Variants in MAP3K4 observed in about 807,000 individuals in gnomAD.
The protein encoded by MAP3K4 is MAP three kinase 1.
In MAP3K4, 67 loss-of-function variants were observed where a neutral mutation model predicts 185.6. That is an observed-to-expected ratio of 0.36 (90% confidence interval 0.30 to 0.44). The LOEUF is 0.44. Ranked by LOEUF, MAP3K4 falls within the 20% of genes least tolerant of loss-of-function variation. The pLI, the probability that MAP3K4 is intolerant of heterozygous loss-of-function variation, is 1.00. For missense variants in MAP3K4, 1,551 were observed against 1,995.1 expected, an observed-to-expected ratio of 0.78 and a Z score of 4.24; for synonymous variants, 702 against 710.4, an observed-to-expected ratio of 0.99 and a Z score of 0.19.
chr6:161,084,413 C>G lies in MAP3K4; in HGVS notation c.2256-88C>G. The G allele has an allele frequency of 1.4e-6, 1 of 718,472 alleles. No homozygotes were observed. Among genetic ancestry groups the G allele is most frequent in the Non-Finnish European group, 2.5e-6 (1 of 399,930 alleles). 44.5% of individuals were successfully genotyped at this position (718,472 alleles called of 1,614,324 possible). A position where few individuals can be genotyped will look rare whatever the true frequency, so the allele number is the denominator to read the frequency against. On this transcript the variant is annotated intron_variant, in intron 6 of 26. Transcript: ENST00000392142. This position sits in a 1 kb window ranked among gnomAD's most constrained non-coding sequence, Gnocchi z 4.6. Reference sequence around the variant, plus strand: ...GATTTTTAAACCATTAGAGCAGTAGCTGAGCCTTTCAAGTTTCTCAGTCAA... The same window carrying G: ...GATTTTTAAACCATTAGAGCAGTAGGTGAGCCTTTCAAGTTTCTCAGTCAA...
intron 5 of MAP3K4, among the ~76,000 whole-genome samples, chr6:161,079,430 A>T (rs1298278690): frequency 6.6e-6 from 1 of 151,570 alleles, no homozygotes; most frequent in East Asian, 2.0e-4. Flanking sequence ...ATACGAAATT[A>T]GCCAGTTGTG....
At chr6:161,041,973 G>T (rs1311540060) in intron 2 of MAP3K4, among the ~76,000 whole-genome samples, 2 of 133,004 alleles carry the variant, frequency 1.5e-5, no homozygotes, top group African/African-American at 5.7e-5. Context: ...GCCCAGACTG[G>T]CCCGGAACCT....
In MAP3K4 at chr6:160,996,183, A is replaced by G. The variant is rs986577870; in HGVS notation, c.152+4100A>G. On this transcript the variant is annotated intron_variant, in intron 1 of 26. Transcript: ENST00000392142. This position sits in a 1 kb window ranked among gnomAD's most constrained non-coding sequence, Gnocchi z 4.5. ...TGGTGCTCCAGACTGTTGGTGTAGC[A>G]TCAGTGATGGTCATGCCTTTACACC... Among the ~76,000 whole-genome samples, 10 of 152,162 alleles carry G rather than the reference A, an allele frequency of 6.6e-5. No individual in the cohort carries two copies. Among genetic ancestry groups the G allele is most frequent in the Non-Finnish European group, 1.3e-4 (9 of 68,034 alleles).
At chr6:161,005,634 A>G (rs1330129697) in intron 1 of MAP3K4, among the ~76,000 whole-genome samples, 1 of 152,160 alleles carries the variant, frequency 6.6e-6, no homozygotes, top group Admixed American at 6.5e-5. Context: ...TTTAAATACA[A>G]ATTTACCTTT....
rs906635197 is a variant in MAP3K4, at chr6:161,114,806, T to C, written c.4627-317T>C. On this transcript the variant is annotated intron_variant, in intron 25 of 26. Transcript: ENST00000392142. This position sits in a 1 kb window ranked among gnomAD's most constrained non-coding sequence, Gnocchi z 4.3. ...TTGCATGATGATGGCTTCTAGATAC[T>C]GTTGGACTAAATAGTGCACCCCAAA... Among the ~76,000 whole-genome samples the C allele has an allele frequency of 1.3e-5, 2 of 152,214 alleles. No homozygotes were observed. The highest frequency in any genetic ancestry group is 4.8e-5 in the African/African-American group (2 of 41,444).
intron 2 of MAP3K4, among the ~76,000 whole-genome samples, chr6:161,035,828 C>G (rs893103534): frequency 1.3e-5 from 2 of 152,136 alleles, no homozygotes; most frequent in African/African-American, 2.4e-5. Flanking sequence ...AGTACACTTG[C>G]TTTTTCTTGT....
intron 1 of MAP3K4, among the ~76,000 whole-genome samples, chr6:161,012,195 TG>T (rs1480626980): frequency 1.3e-5 from 2 of 152,206 alleles, no homozygotes; most frequent in East Asian, 3.8e-4. Flanking sequence ...CCCTTGCCTC[TG>T]AGAATTTAGA....
Position 161,008,984 on chromosome 6 carries a change from G to A in MAP3K4, c.152+16901G>A, listed in dbSNP as rs1442208984. On this transcript the variant is annotated intron_variant, in intron 1 of 26. Coordinates refer to ENST00000392142, the MANE Select transcript of MAP3K4 (RefSeq NM_005922.4). The surrounding 1 kb of genome is among the most constrained non-coding windows in gnomAD (Gnocchi z 4.1). ...GCATATTCATTTTTTTAAACCATCTGAACCTTTTTTTTTTTTTTTGAGACG... is the reference window on the plus strand; with the variant it reads ...GCATATTCATTTTTTTAAACCATCTAAACCTTTTTTTTTTTTTTTGAGACG... 6.8e-6 allele frequency among the ~76,000 whole-genome samples: 1 copy of A among 148,038 alleles called. No individual in the cohort carries two copies. The highest frequency in any genetic ancestry group is 1.5e-5 in the Non-Finnish European group (1 of 67,398).
rs1784097018 is a variant in MAP3K4 at position 161,053,544 on chromosome 6, G to A, written c.1707+3565G>A. ...TCTGCCAAATAATTGTACATTTTAA[G>A]GGCATACATTTTAGGCAGTAAAACC... is the stretch of plus-strand genomic sequence containing the variant. On this transcript the variant is annotated intron_variant, in intron 3 of 26. Transcript: ENST00000392142. The surrounding 1 kb of genome is among the most constrained non-coding windows in gnomAD (Gnocchi z 4.2). Among the ~76,000 whole-genome samples, 1 of 152,110 alleles carries A rather than the reference G, an allele frequency of 6.6e-6. No individual in the cohort carries two copies. The highest frequency in any genetic ancestry group is 6.5e-5 in the Admixed American group (1 of 15,274).
At chr6:161,052,171 C>A (rs1245884507) in intron 3 of MAP3K4, among the ~76,000 whole-genome samples, 1 of 149,034 alleles carries the variant, frequency 6.7e-6, no homozygotes, top group South Asian at 2.2e-4. Context: ...CACCCTCCCT[C>A]CCCAAATTGT....
chr6:160,998,228 T>C (rs540244290), intron 1 of MAP3K4, among the ~76,000 whole-genome samples: 2 of 152,286 alleles, frequency 1.3e-5, no homozygotes, highest in East Asian at 3.9e-4. Flanking sequence ...TGATGTGAGC[T>C]AATCTCTATT....
At chr6:161,104,918 A>T (rs2114904343) in intron 19 of MAP3K4, among the ~76,000 whole-genome samples, 1 of 152,284 alleles carries the variant, frequency 6.6e-6, no homozygotes, top group South Asian at 2.1e-4. Context: ...GACCATTATA[A>T]ATCTTTTAGA....
In MAP3K4 at chr6:161,101,889, CAG is replaced by C. The variant is rs777749397; in HGVS notation, c.3675-2_3675-1del. The C allele has an allele frequency of 5.2e-5, 84 of 1,609,772 alleles. No individual in the cohort carries two copies. The highest frequency in any genetic ancestry group is 6.0e-5 in the Non-Finnish European group (71 of 1,176,584). ...AGCTCAATTATTAAAAATATTAAAA[CAG>C]GGGTTCCAGCGTTCCTGAAAATGAT... On this transcript the variant is annotated splice_acceptor_variant, in intron 17 of 26. Transcript: ENST00000392142. LOFTEE classifies it high-confidence loss of function. This position sits in a 1 kb window ranked among gnomAD's most constrained non-coding sequence, Gnocchi z 5.1.
At position 161,107,830 on chromosome 6, in the gene MAP3K4, A is replaced by T; in HGVS notation, c.4049-69A>T. ...TCCAAAATAATTGGACAGTATTATT[A>T]CAAGTTTAAGGAATGTAAGACAGCC... On this transcript the variant is annotated intron_variant, in intron 20 of 26. Coordinates refer to ENST00000392142, the MANE Select transcript of MAP3K4 (RefSeq NM_005922.4). This position sits in a 1 kb window ranked among gnomAD's most constrained non-coding sequence, Gnocchi z 6.2. 1 of 1,008,530 alleles carries T rather than the reference A, an allele frequency of 9.9e-7. No individual in the cohort carries two copies. Among genetic ancestry groups the T allele is most frequent in the Non-Finnish European group, 1.6e-6 (1 of 642,182 alleles). 62.5% of individuals were successfully genotyped at this position (1,008,530 alleles called of 1,614,324 possible). A position where few individuals can be genotyped will look rare whatever the true frequency, so the allele number is the denominator to read the frequency against.
Position 161,054,622 on chromosome 6 carries a change from C to A in MAP3K4, c.1707+4643C>A, listed in dbSNP as rs1490682273. 6.6e-6 allele frequency among the ~76,000 whole-genome samples: 1 copy of A among 152,216 alleles called. No individual in the cohort carries two copies. The highest frequency in any genetic ancestry group is 6.5e-5 in the Admixed American group (1 of 15,286). Reference sequence around the variant, plus strand: ...ATATGAAGTTGTAGCTCTGTACCTTCTGTAAATTGATTTCCTCAGGACACA... The same window carrying A: ...ATATGAAGTTGTAGCTCTGTACCTTATGTAAATTGATTTCCTCAGGACACA... On this transcript the variant is annotated intron_variant, in intron 3 of 26. Transcript: ENST00000392142. The surrounding 1 kb of genome is among the most constrained non-coding windows in gnomAD (Gnocchi z 4.2).
At position 161,112,833 on chromosome 6, in the gene MAP3K4, A is replaced by T. The variant is rs1445599239; in HGVS notation, c.4626+59A>T. 6.2e-6 allele frequency: 7 copies of T among 1,122,928 alleles called. No individual in the cohort carries two copies. The South Asian group carries it at 1.4e-4, about 22-fold the overall frequency. The allele number at this position is 1,122,928 out of a possible 1,614,324, so 69.6% of individuals were successfully genotyped here. On this transcript the variant is annotated intron_variant, in intron 25 of 26. Coordinates refer to ENST00000392142, the MANE Select transcript of MAP3K4 (RefSeq NM_005922.4). The surrounding 1 kb of genome is among the most constrained non-coding windows in gnomAD (Gnocchi z 5.1). ...TCAGAAGGGCACTGTGCATTAACAG[A>T]ACAGTAGTTATGGATTGATTATTTA...
intron 11 of MAP3K4, among the ~76,000 whole-genome samples, chr6:161,090,638 TTAGAG>T: frequency 1.7e-4 from 9 of 53,978 alleles, no homozygotes; most frequent in Non-Finnish European, 4.1e-4. Context: ...TGTAGGATGT[TTAGAG>T]CCAGGGCAGG....
At chr6:161,009,529 A>G (rs1781751832) in intron 1 of MAP3K4, among the ~76,000 whole-genome samples, 1 of 152,160 alleles carries the variant, frequency 6.6e-6, no homozygotes, top group African/African-American at 2.4e-5. Context: ...CACTTGGTGT[A>G]ATTTTCTTAA....
At chr6:160,997,247 A>G (rs28385633) in intron 1 of MAP3K4, among the ~76,000 whole-genome samples, 25 of 152,010 alleles carry the variant, frequency 1.6e-4, no homozygotes, top group African/African-American at 6.0e-4. Flanking sequence ...TCTCCCCATA[A>G]TCTCTGTCCC....
Sources: allele counts gnomAD v4.1 joint callset (sites outside exome capture counted in the v4.1 genomes callset), GRCh38; gene constraint gnomAD v4.1.1; non-coding constraint Gnocchi (gnomAD v3.1); transcripts MANE v1.5; gene names NCBI Gene and HGNC (gene_info 2026-07-23, HGNC 2026-07-21).